Variants in BCAS3 observed in about 807,000 individuals in gnomAD.
The protein encoded by BCAS3 is BCAS4/BCAS3 fusion.
In BCAS3, 53 loss-of-function variants were observed where a neutral mutation model predicts 116.1. The observed-to-expected ratio is 0.46, with a 90% CI of 0.37 to 0.57. BCAS3 has a LOEUF of 0.57. BCAS3 is among the 20% of genes least tolerant of loss of function. BCAS3 has a pLI of 0.00. For missense variants in BCAS3, 917 were observed against 1,165.4 expected, an observed-to-expected ratio of 0.79 and a Z score of 3.10; for synonymous variants, 391 against 408.2, an observed-to-expected ratio of 0.96 and a Z score of 0.51.
At chr17:60,946,192 C>T (rs1210547995) in intron 13 of BCAS3, among the ~76,000 whole-genome samples, 1 of 152,202 alleles carries the variant, frequency 6.6e-6, no homozygotes, top group Non-Finnish European at 1.5e-5. Flanking sequence ...GGAGAAAAAA[C>T]AGTGTCTTCA....
chr17:61,091,353 T>G (rs534295292), intron 22 of BCAS3, among the ~76,000 whole-genome samples: 1 of 152,350 alleles, frequency 6.6e-6, no homozygotes, highest in African/African-American at 2.4e-5. Context: ...CATACAGGGC[T>G]GGACTGTTTA....
chr17:60,917,292 T>C (rs1231545124), intron 12 of BCAS3, among the ~76,000 whole-genome samples: 2 of 152,222 alleles, frequency 1.3e-5, no homozygotes, highest in Non-Finnish European at 2.9e-5. Context: ...TGAAAGTCTC[T>C]GCCCATTAAA....
At chr17:60,879,962 G>A (rs2055962985) in intron 9 of BCAS3, among the ~76,000 whole-genome samples, 1 of 152,126 alleles carries the variant, frequency 6.6e-6, no homozygotes, top group Non-Finnish European at 1.5e-5. Context: ...ACCTATCTTT[G>A]TTTTTCTGAG....
chr17:60,696,958 G>T (rs1003571763), intron 4 of BCAS3, among the ~76,000 whole-genome samples: 1 of 149,282 alleles, frequency 6.7e-6, no homozygotes, highest in Non-Finnish European at 1.5e-5. Context: ...AGGCCAAGAC[G>T]GGTAGATCAC....
intron 6 of BCAS3, among the ~76,000 whole-genome samples, chr17:60,757,270 G>A (rs12936675): frequency 0.73 from 109,846 of 151,238 alleles, 45,558 homozygotes; most frequent in South Asian, 0.98. Flanking sequence ...AGCTGAGATC[G>A]CACCACTGCA....
At chr17:61,187,386 G>A (rs2079842508) in intron 22 of BCAS3, among the ~76,000 whole-genome samples, 1 of 152,214 alleles carries the variant, frequency 6.6e-6, no homozygotes, top group East Asian at 1.9e-4. Context: ...GCCAGTAAAA[G>A]AGAGCATGGA....
At chr17:60,923,359 A>T (rs1310367400) in intron 12 of BCAS3, among the ~76,000 whole-genome samples, 4 of 152,202 alleles carry the variant, frequency 2.6e-5, no homozygotes, top group Admixed American at 6.5e-5. Flanking sequence ...GCTTTCACTC[A>T]CAAATACTAT....
At chr17:60,711,578 A>T (rs2037933187) in intron 5 of BCAS3, among the ~76,000 whole-genome samples, 1 of 152,120 alleles carries the variant, frequency 6.6e-6, no homozygotes, top group South Asian at 2.1e-4. Flanking sequence ...TTAACTGCCC[A>T]CTTGTTTTGG....
intron 22 of BCAS3, among the ~76,000 whole-genome samples, chr17:61,320,528 A>C (rs1374366282): frequency 1.3e-5 from 2 of 151,984 alleles, no homozygotes; most frequent in Admixed American, 6.5e-5. Flanking sequence ...AAAAATACAA[A>C]AAAATTAGCC....
intron 22 of BCAS3, among the ~76,000 whole-genome samples, chr17:61,218,349 A>C (rs1260323785): frequency 5.9e-5 from 9 of 152,210 alleles, no homozygotes; most frequent in Non-Finnish European, 4.4e-5. Flanking sequence ...AAATTCTTCT[A>C]TTAAAATGGA....
intron 13 of BCAS3, among the ~76,000 whole-genome samples, chr17:60,945,656 C>T (rs976820180): frequency 2.0e-5 from 3 of 151,726 alleles, no homozygotes; most frequent in Non-Finnish European, 1.5e-5. Flanking sequence ...CAAAAATTAG[C>T]CAGGCATGGT....
At position 60,961,453 on chromosome 17, in the gene BCAS3, G is replaced by A. The variant is rs1321834879; in HGVS notation, c.1221+14101G>A. On this transcript the variant is annotated intron_variant, in intron 14 of 23. Coordinates refer to ENST00000407086, the MANE Select transcript of BCAS3 (RefSeq NM_017679.5). The surrounding 1 kb of genome is among the most constrained non-coding windows in gnomAD (Gnocchi z 4.8). The stretch of plus-strand genomic sequence containing the variant: ...TAGGATCACAATAGTCACATTAGCA[G>A]AATGAACCTCGAGATTACCCAGATG... Among the ~76,000 whole-genome samples, 1 of 152,000 alleles carries A rather than the reference G, an allele frequency of 6.6e-6. No homozygotes were observed. The highest frequency in any genetic ancestry group is 1.5e-5 in the Non-Finnish European group (1 of 68,008).
chr17:60,851,655 A>C, intron 7 of BCAS3: 1 of 744,196 alleles, frequency 1.3e-6, no homozygotes. Flanking sequence ...AAGAAACTAA[A>C]GAAGATTTAC....
chr17:61,030,189 T>C (rs2066529631), intron 16 of BCAS3, among the ~76,000 whole-genome samples: 1 of 152,124 alleles, frequency 6.6e-6, no homozygotes, highest in Non-Finnish European at 1.5e-5. Context: ...GACTATTCTT[T>C]TATGTTTTAA....
intron 22 of BCAS3, among the ~76,000 whole-genome samples, chr17:61,257,577 TG>T (rs1273341061): frequency 6.6e-6 from 1 of 152,258 alleles, no homozygotes; most frequent in Non-Finnish European, 1.5e-5. Context: ...GCAAATATTT[TG>T]GTCATGTTAA....
chr17:61,242,915 T>G (rs1163770330), intron 22 of BCAS3, among the ~76,000 whole-genome samples: 1 of 152,028 alleles, frequency 6.6e-6, no homozygotes, highest in Non-Finnish European at 1.5e-5. Flanking sequence ...TACACTTTTT[T>G]TTTTTTTGAG....
At chr17:61,170,553 A>G (rs1344745215) in intron 22 of BCAS3, among the ~76,000 whole-genome samples, 1 of 152,028 alleles carries the variant, frequency 6.6e-6, no homozygotes, top group Non-Finnish European at 1.5e-5. Flanking sequence ...TGGCCTCCCA[A>G]AGTGCTGGGA....
intron 22 of BCAS3, among the ~76,000 whole-genome samples, chr17:61,298,791 A>G (rs552888097): frequency 6.9e-6 from 1 of 145,456 alleles, no homozygotes; most frequent in Admixed American, 6.8e-5. Context: ...GTCACATGCC[A>G]TTATTTATTT....
intron 6 of BCAS3, among the ~76,000 whole-genome samples, chr17:60,760,064 T>G (rs1459206977): frequency 1.3e-5 from 2 of 152,248 alleles, no homozygotes; most frequent in East Asian, 3.8e-4. Flanking sequence ...TTTGAGCCTA[T>G]GTATGTCTGT....
Sources: allele counts gnomAD v4.1 joint callset (sites outside exome capture counted in the v4.1 genomes callset), GRCh38; gene constraint gnomAD v4.1.1; non-coding constraint Gnocchi (gnomAD v3.1); transcripts MANE v1.5; gene names NCBI Gene and HGNC (gene_info 2026-07-23, HGNC 2026-07-21).